ABCB4: variants seen among roughly 807,000 people sequenced by gnomAD.
ABCB4 encodes the protein ATP binding cassette subfamily B member 4, also known as phosphatidylcholine translocator ABCB4.
In ABCB4, 76 loss-of-function variants were observed where a neutral mutation model predicts 145.7. The observed-to-expected ratio is 0.52, with a 90% confidence interval of 0.43 to 0.63. The LOEUF is 0.63. ABCB4 is among the 30% of genes least tolerant of loss of function. The probability of loss-of-function intolerance (pLI) is 0.00; values close to 1 mark genes in which losing one functional copy is unlikely to be tolerated. For synonymous variants in ABCB4, 517 were observed against 566.8 expected (o/e 0.91, Z 1.25); for missense variants, 1,234 against 1,553.1 (o/e 0.79, Z 3.45).
intron 16 of ABCB4, among the ~76,000 whole-genome samples, chr7:87,426,513 T>C (rs1809815414): frequency 6.6e-6 from 1 of 152,098 alleles, no homozygotes; most frequent in East Asian, 1.9e-4. Flanking sequence ...ATATTAAGCA[T>C]CTCAGCGTAA....
rs185505518 is a variant in ABCB4, at chr7:87,464,757, A to G, written c.136-1849T>C. On this transcript the variant is annotated intron_variant, in intron 3 of 27. Coordinates refer to ENST00000649586, the MANE Select transcript of ABCB4 (RefSeq NM_000443.4). ...GATATCTAGTAAGAGGTGAAAATAA[A>G]TATTAAATTTAAGTTTAACTTAAGC... Among the ~76,000 whole-genome samples the G allele has an allele frequency of 3.3e-3, 504 of 152,330 alleles. 2 individuals are homozygous for G. Among genetic ancestry groups the G allele is most frequent in the African/African-American group, 0.011 (472 of 41,570 alleles).
At chr7:87,398,757 A>G, downstream of ABCB4, 1 of 1,010,818 alleles carries the variant, frequency 9.9e-7, no homozygotes. Flanking sequence ...TCCTTTAACA[A>G]GTTAAGAAAA....
At chr7:87,441,931 T>C (rs1034043748) in intron 12 of ABCB4, among the ~76,000 whole-genome samples, 1 of 152,166 alleles carries the variant, frequency 6.6e-6, no homozygotes, top group Admixed American at 6.5e-5. Context: ...GTTTTATTGG[T>C]TTTTATTGGA....
intron 9 of ABCB4, 98 bp downstream of exon 9, chr7:87,446,936 T>G: frequency 1.9e-5 from 22 of 1,136,818 alleles, no homozygotes; most frequent in Non-Finnish European, 2.4e-5. Flanking sequence ...CCTATAATCA[T>G]GTTCATCTTT....
intron 21 of ABCB4, 101 bp downstream of exon 21, chr7:87,417,207 CACAA>C (rs1233173888): frequency 1.0e-5 from 11 of 1,054,330 alleles, no homozygotes; most frequent in East Asian, 2.5e-5. Context: ...TTGTAGTGGG[CACAA>C]ACATTTAATT....
intron 10 of ABCB4, 143 bp downstream of exon 10, chr7:87,444,719 G>T: frequency 3.3e-6 from 2 of 611,112 alleles, no homozygotes; most frequent in Non-Finnish European, 5.7e-6. Flanking sequence ...TTACTAACAG[G>T]TCATTCATTT....
At chr7:87,428,971 T>A (rs1456245527) in intron 15 of ABCB4, among the ~76,000 whole-genome samples, 2 of 152,058 alleles carry the variant, frequency 1.3e-5, no homozygotes, top group African/African-American at 4.8e-5. Context: ...CAGAAAAAAA[T>A]TAAGATACAT....
rs759805488 is a variant in ABCB4 at position 87,462,778 on chromosome 7, G to T, written c.266C>A (p.Ala89Glu). The change falls in exon 4 of 28, where the codon GCA becomes GAA. Residue 89 changes from alanine (A) to glutamate (E), a missense_variant. Transcript: ENST00000649586. ...CTTACCTGGAAAGGAGAAGTTTCCT[G>T]CAGTATCAACAAATTTGTCAGTCAT... ...GEMTDKFVDT[A>E]GNFSFPVNFS... 3.7e-6 allele frequency: 6 copies of T among 1,613,794 alleles called. No individual in the cohort carries two copies. Among genetic ancestry groups the T allele is most frequent in the Non-Finnish European group, 4.2e-6 (5 of 1,179,906 alleles).
chr7:87,450,171 T>A, intron 7 of ABCB4, 79 bp from the exon 8 acceptor site: 1 of 1,576,280 alleles, frequency 6.3e-7, no homozygotes, highest in Non-Finnish European at 8.7e-7. Context: ...TTTAACCTAC[T>A]TTTTCTTCCC....
chr7:87,390,217 T>C, the ABCB4 span, among the ~76,000 whole-genome samples: 1 of 152,188 alleles, frequency 6.6e-6, no homozygotes, highest in Non-Finnish European at 1.5e-5. Flanking sequence ...ATAAATCCAA[T>C]AGTTAATGCT....
At position 87,420,154 on chromosome 7, in the gene ABCB4, T is replaced by A. The variant is rs148657515; in HGVS notation, c.2317-79A>T. Reference sequence around the variant, plus strand: ...CCAGACCAATCATGTTCAACTTTTATGTAGCAAAGTTATGAGTTGTTTTAC... The same window carrying A: ...CCAGACCAATCATGTTCAACTTTTAAGTAGCAAAGTTATGAGTTGTTTTAC... On this transcript the variant is annotated intron_variant, in intron 18 of 27. Coordinates refer to ENST00000649586, the MANE Select transcript of ABCB4 (RefSeq NM_000443.4). 7 of 1,358,138 alleles carry A rather than the reference T, an allele frequency of 5.2e-6. No individual in the cohort carries two copies. The East Asian group carries it at 1.4e-4, about 27-fold the overall frequency. 84.1% of individuals were successfully genotyped at this position (1,358,138 alleles called of 1,614,324 possible). A position where few individuals can be genotyped will look rare whatever the true frequency, so the allele number is the denominator to read the frequency against.
chr7:87,475,727 C>A (rs1813772325), upstream of ABCB4: 2 of 396,326 alleles, frequency 5.0e-6, no homozygotes, highest in Non-Finnish European at 9.0e-6. Context: ...CGCCCCCGCC[C>A]CCGCCCCCGC....
chr7:87,389,899 ATTT>A, the ABCB4 span, among the ~76,000 whole-genome samples: 1 of 149,530 alleles, frequency 6.7e-6, no homozygotes, highest in African/African-American at 2.4e-5. Flanking sequence ...TTCACGCGGT[ATTT>A]TTTTTTTATA....
chr7:87,475,538 G>A (rs1813750318), intron 1 of ABCB4, 67 bp from the exon 2 acceptor site: 1 of 1,522,080 alleles, frequency 6.6e-7, no homozygotes, highest in African/African-American at 1.4e-5. Flanking sequence ...CGAGTCGCGG[G>A]GCCCGGGGGC....
intron 4 of ABCB4, among the ~76,000 whole-genome samples, chr7:87,459,817 A>T (rs1333720610): frequency 6.6e-6 from 1 of 152,198 alleles, no homozygotes; most frequent in African/African-American, 2.4e-5. Flanking sequence ...CGACACTTGA[A>T]AAGAGGTGCT....
intron 14 of ABCB4, among the ~76,000 whole-genome samples, chr7:87,435,227 T>C (rs1032256280): frequency 6.6e-6 from 1 of 152,226 alleles, no homozygotes; most frequent in African/African-American, 2.4e-5. Context: ...TTTAAAGGTA[T>C]GGTTTATTGT....
intron 14 of ABCB4, among the ~76,000 whole-genome samples, chr7:87,432,798 T>C (rs1237374401): frequency 6.6e-6 from 1 of 152,340 alleles, no homozygotes; most frequent in East Asian, 1.9e-4. Flanking sequence ...GTGATGGTTG[T>C]ACAACCTTGT....
intron 7 of ABCB4, among the ~76,000 whole-genome samples, chr7:87,451,291 C>T (rs189306891): frequency 2.0e-5 from 3 of 152,038 alleles, no homozygotes; most frequent in South Asian, 4.2e-4. Flanking sequence ...TGCACCACCA[C>T]GCAAGGCTAG....
At chr7:87,376,430 G>A in the ABCB4 span, among the ~76,000 whole-genome samples, 34 of 152,014 alleles carry the variant, frequency 2.2e-4, no homozygotes, top group African/African-American at 7.5e-4. Context: ...TGTCAGTGAC[G>A]TTAAGGGTAA....
Sources: allele counts gnomAD v4.1 joint callset (sites outside exome capture counted in the v4.1 genomes callset), GRCh38; gene constraint gnomAD v4.1.1; transcripts MANE v1.5; gene names NCBI Gene and HGNC (gene_info 2026-07-23, HGNC 2026-07-21).